The following ARMC6 variants were observed in gnomAD, a reference collection of about 807,000 sequenced individuals.
ARMC6 encodes armadillo repeat-containing protein 6.
Under a neutral mutation model 49.2 loss-of-function variants are expected in ARMC6, and 43 were observed. The ratio of observed to expected loss-of-function variants is 0.87; its 90% CI spans 0.69 to 1.13. The LOEUF (loss-of-function observed/expected upper bound fraction) is 1.13. ARMC6 is among the 50% of genes most tolerant of loss of function. The pLI is 0.00. For synonymous variants in ARMC6, 262 were observed against 289.6 expected, an observed-to-expected ratio of 0.90 and a Z score of 0.97; for missense variants, 627 against 682.0, an observed-to-expected ratio of 0.92 and a Z score of 0.90.
chr19:19,056,614 A>G (rs2059546941), intron 8 of ARMC6, among the ~76,000 whole-genome samples: 1 of 152,128 alleles, frequency 6.6e-6, no homozygotes, highest in African/African-American at 2.4e-5. Context: ...GAAGTTGGGG[A>G]AGCGTGGATG....
intron 4 of ARMC6, among the ~76,000 whole-genome samples, chr19:19,049,331 G>A (rs1024707864): frequency 1.3e-5 from 2 of 152,062 alleles, no homozygotes; most frequent in Admixed American, 6.6e-5. Flanking sequence ...AGAGATTACA[G>A]GCATGAGCCA....
chr19:19,036,079 T>A (rs1307124235), intron 2 of ARMC6, among the ~76,000 whole-genome samples: 1 of 152,162 alleles, frequency 6.6e-6, no homozygotes, highest in Non-Finnish European at 1.5e-5. Context: ...TTTTATTTTT[T>A]GAGATAGAGT....
chr19:19,046,646 C>T (rs148290002), intron 4 of ARMC6, among the ~76,000 whole-genome samples: 130 of 152,120 alleles, frequency 8.5e-4, no homozygotes, highest in African/African-American at 2.9e-3. Context: ...AGGCGTGCAC[C>T]ACCACGCCCA....
At chr19:19,036,771 A>C (rs1384821492) in intron 2 of ARMC6, among the ~76,000 whole-genome samples, 2 of 152,192 alleles carry the variant, frequency 1.3e-5, no homozygotes, top group African/African-American at 4.8e-5. Flanking sequence ...ACAAATAGCT[A>C]ATTTATTGAG....
chr19:19,039,681 A>G (rs2145847437), intron 2 of ARMC6, among the ~76,000 whole-genome samples: 1 of 152,252 alleles, frequency 6.6e-6, no homozygotes, highest in East Asian at 1.9e-4. Flanking sequence ...ACGAGACATC[A>G]TGTTTTTGAG....
intron 4 of ARMC6, among the ~76,000 whole-genome samples, chr19:19,050,152 A>C (rs1183378811): frequency 6.6e-6 from 1 of 151,898 alleles, no homozygotes; most frequent in Non-Finnish European, 1.5e-5. Flanking sequence ...CTTTGTTGTC[A>C]TTGTAGTGTT....
chr19:19,055,569 A>G lies in ARMC6; in HGVS notation c.1155+173A>G, dbSNP rs1332240671. 6.6e-6 allele frequency among the ~76,000 whole-genome samples: 1 copy of G among 151,918 alleles called. No individual in the cohort carries two copies. Among genetic ancestry groups the G allele is most frequent in the African/African-American group, 2.4e-5 (1 of 41,334 alleles). Reference sequence around the variant, plus strand: ...GTATGCATGACTTTGGGTGTCCTGGAGTTACCACCAGCACCCTGCAAAGAT... The same window carrying G: ...GTATGCATGACTTTGGGTGTCCTGGGGTTACCACCAGCACCCTGCAAAGAT... On this transcript the variant is annotated intron_variant, in intron 7 of 8. Transcript: ENST00000535612. This position sits in a 1 kb window ranked among gnomAD's most constrained non-coding sequence, Gnocchi z 5.7.
chr19:19,046,395 C>T (rs2145861400), intron 4 of ARMC6, among the ~76,000 whole-genome samples: 1 of 152,084 alleles, frequency 6.6e-6, no homozygotes, highest in East Asian at 1.9e-4. Context: ...GATGGGGTTT[C>T]ACTGTGTTAG....
chr19:19,040,831 T>C (rs767174622), intron 2 of ARMC6: 5 of 404,706 alleles, frequency 1.2e-5, no homozygotes, highest in Non-Finnish European at 4.9e-6. Flanking sequence ...GATTTTGATA[T>C]GTACTGGATT....
At chr19:19,035,006 C>T (rs1305261059) in intron 2 of ARMC6, among the ~76,000 whole-genome samples, 1 of 152,116 alleles carries the variant, frequency 6.6e-6, no homozygotes, top group East Asian at 1.9e-4. Flanking sequence ...GAAATACAGG[C>T]ACCCGCCACC....
chr19:19,057,120 G>T (rs2059551055), intron 8 of ARMC6, among the ~76,000 whole-genome samples: 1 of 152,238 alleles, frequency 6.6e-6, no homozygotes, highest in Admixed American at 6.5e-5. Context: ...CCTTGGCTCT[G>T]TGCCAGCCTC....
chr19:19,045,419 A>G (rs1421455859), intron 4 of ARMC6, among the ~76,000 whole-genome samples: 1 of 151,696 alleles, frequency 6.6e-6, no homozygotes, highest in African/African-American at 2.4e-5. Context: ...GAAGGATCTC[A>G]ATAACAATAT....
intron 4 of ARMC6, among the ~76,000 whole-genome samples, chr19:19,049,052 G>A (rs1339705494): frequency 6.7e-6 from 1 of 149,732 alleles, no homozygotes; most frequent in Non-Finnish European, 1.5e-5. Context: ...TATGGATGAG[G>A]ACTTAGATTT....
At chr19:19,052,526 G>A (rs765071458) in intron 5 of ARMC6, among the ~76,000 whole-genome samples, 4 of 152,206 alleles carry the variant, frequency 2.6e-5, no homozygotes, top group Admixed American at 2.0e-4. Flanking sequence ...GAGGACTCGG[G>A]GGGGCTGGCT....
In ARMC6 at chr19:19,055,670, A is replaced by C. The variant is rs558415475; in HGVS notation, c.1156-121A>C. The C allele has an allele frequency of 2.2e-6, 3 of 1,381,542 alleles. No homozygotes were observed. The African/African-American group carries it at 4.3e-5, about 20-fold the overall frequency. The allele number at this position is 1,381,542 out of a possible 1,614,324, so 85.6% of individuals were successfully genotyped here. The stretch of plus-strand genomic sequence containing the variant: ...TGTCACCCTGCCATTATTACACAGG[A>C]GTTGCCAGAGACCCACGGAGGGGAG... On this transcript the variant is annotated intron_variant, in intron 7 of 8. Coordinates refer to ENST00000535612, the MANE Select transcript of ARMC6 (RefSeq NM_001199196.2). The surrounding 1 kb of genome is among the most constrained non-coding windows in gnomAD (Gnocchi z 5.7).
At chr19:19,051,371 CTCTCTGTGTGTGTGTGTG>C (rs2059494055) in intron 4 of ARMC6, among the ~76,000 whole-genome samples, 1 of 122,796 alleles carries the variant, frequency 8.1e-6, no homozygotes, top group African/African-American at 3.9e-5. Context: ...CTCTCTCTCT[CTCTCTGTGTGTGTGTGTG>C]TGTGTGTGTG....
intron 2 of ARMC6, among the ~76,000 whole-genome samples, chr19:19,036,699 AGAGT>A (rs1012566618): frequency 2.6e-5 from 4 of 152,220 alleles, no homozygotes; most frequent in Admixed American, 6.5e-5. Flanking sequence ...TATCTGCAAA[AGAGT>A]GAGATGGGAC....
chr19:19,052,250 A>T, intron 5 of ARMC6, 55 bp downstream of exon 5: 4 of 1,487,018 alleles, frequency 2.7e-6, no homozygotes, highest in Non-Finnish European at 3.6e-6. Context: ...GTCAGATGTG[A>T]CCAGAGTGAG....
At chr19:19,056,339 G>A (rs1422877572) in intron 8 of ARMC6, among the ~76,000 whole-genome samples, 1 of 147,760 alleles carries the variant, frequency 6.8e-6, no homozygotes, top group East Asian at 2.0e-4. Flanking sequence ...TCAGCTCACT[G>A]CAACCTCTGC....
Sources: allele counts gnomAD v4.1 joint callset (sites outside exome capture counted in the v4.1 genomes callset), GRCh38; gene constraint gnomAD v4.1.1; non-coding constraint Gnocchi (gnomAD v3.1); transcripts MANE v1.5; gene names NCBI Gene and HGNC (gene_info 2026-07-23, HGNC 2026-07-21).